TMEM212: variants seen among roughly 807,000 people sequenced by gnomAD.
TMEM212 encodes transmembrane protein 212.
TMEM212 carries 23 observed loss-of-function variants against 20.5 expected under a neutral mutation model. The ratio of observed to expected loss-of-function variants is 1.12; its 90% CI spans 0.81 to 1.59. The LOEUF is 1.59. TMEM212 is among the 40% of genes most tolerant of loss of function. The probability of loss-of-function intolerance (pLI) is 0.00; values close to 1 mark genes in which losing one functional copy is unlikely to be tolerated. For missense variants in TMEM212, 211 were observed against 215.0 expected (o/e 0.98, Z 0.12); for synonymous variants, 76 against 81.6 (o/e 0.93, Z 0.37).
Position 171,853,638 on chromosome 3 carries a change from G to A in TMEM212, c.331G>A (p.Gly111Arg), listed in dbSNP as rs555325527. The change falls in exon 3 of 5, where the codon GGG becomes AGG. Residue 111 changes from glycine to arginine, a missense_variant. Coordinates refer to ENST00000334567, the MANE Select transcript of TMEM212 (RefSeq NM_001164436.2). ...CCCATATTGCTTCTATTCATTTTCA[G>A]GGATTGCAGGGACTAATTACCTTGG... ...LGPYCFYSFSGIAGTNYLGYA... is the reference protein window; with the variant it reads ...LGPYCFYSFSRIAGTNYLGYA... 3.0e-4 allele frequency: 460 copies of A among 1,537,382 alleles called. 5 individuals carry two copies. In the South Asian group the frequency reaches 5.1e-3, roughly 17 times the overall value.
rs1490320265 is a variant in TMEM212 at position 171,858,661 on chromosome 3, T to G, written c.*604T>G. On this transcript the variant is annotated 3_prime_UTR_variant, in exon 5 of 5. Coordinates refer to ENST00000334567, the MANE Select transcript of TMEM212 (RefSeq NM_001164436.2). ...ACCTACAGAACGGGAGAAAATTTTT[T>G]CAATCTACCCATCTGACAAACAGCT... 6.6e-6 allele frequency: 1 copy of G among 151,364 alleles called. No individual in the cohort carries two copies. Among genetic ancestry groups the G allele is most frequent in the Non-Finnish European group, 1.5e-5 (1 of 67,986 alleles). 9.4% of individuals were successfully genotyped at this position (151,364 alleles called of 1,614,324 possible). A position where few individuals can be genotyped will look rare whatever the true frequency, so the allele number is the denominator to read the frequency against.
Position 171,853,795 on chromosome 3 carries a change from C to A in TMEM212, c.488C>A (p.Ser163Tyr), listed in dbSNP as rs1466178463. Residue 163 changes from serine (S) to tyrosine (Y), a missense_variant, in exon 3 of 5, where the codon TCC becomes TAC. Coordinates refer to ENST00000334567, the MANE Select transcript of TMEM212 (RefSeq NM_001164436.2). ...LCLSFTLLCT[S>Y]LTVFIKLSAR... Reference sequence around the variant, plus strand: ...CTAAGCTTTACCCTACTCTGTACATCCTTGACAGTGTTCATCAAACTTTCT... The same window carrying A: ...CTAAGCTTTACCCTACTCTGTACATACTTGACAGTGTTCATCAAACTTTCT... The A allele has an allele frequency of 6.5e-7, 1 of 1,537,030 alleles. No individual in the cohort carries two copies. Among genetic ancestry groups the A allele is most frequent in the South Asian group, 1.2e-5 (1 of 84,048 alleles).
chr3:171,844,699 C>T (rs933203846), intron 1 of TMEM212, among the ~76,000 whole-genome samples: 1 of 152,082 alleles, frequency 6.6e-6, no homozygotes, highest in Non-Finnish European at 1.5e-5. Context: ...GAGCAAGACT[C>T]CATCTCAAAA....
At chr3:171,844,185 T>C (rs532071179) in intron 1 of TMEM212, among the ~76,000 whole-genome samples, 211 of 152,286 alleles carry the variant, frequency 1.4e-3, no homozygotes, top group African/African-American at 4.8e-3. Context: ...CATTGAATCA[T>C]TGCACAGATA....
At chr3:171,848,806 T>C (rs956783721) in intron 1 of TMEM212, among the ~76,000 whole-genome samples, 1 of 151,940 alleles carries the variant, frequency 6.6e-6, no homozygotes, top group Non-Finnish European at 1.5e-5. Flanking sequence ...TGACATAAAA[T>C]GTATTCGTTA....
In TMEM212 at chr3:171,843,816, C is replaced by A. The variant is rs932337945; in HGVS notation, c.159+274C>A. ...TCTTAAAAAGTTATTTTATTTTAAT[C>A]CACTTAACTTGATATGCTAAGAAAT... On this transcript the variant is annotated intron_variant, in intron 1 of 4. Transcript: ENST00000334567. Among the ~76,000 whole-genome samples, 5 of 152,100 alleles carry A rather than the reference C, an allele frequency of 3.3e-5. No homozygotes were observed. The South Asian group carries it at 6.2e-4, about 19-fold the overall frequency.
At position 171,858,508 on chromosome 3, in the gene TMEM212, A is replaced by T. The variant is rs572489165; in HGVS notation, c.*451A>T. On this transcript the variant is annotated 3_prime_UTR_variant, in exon 5 of 5. Transcript: ENST00000334567. The stretch of plus-strand genomic sequence containing the variant: ...AGGCAATACCATTCAGGACATAGGC[A>T]TGGGCAAAGACTTCATGACTAAAAC... The T allele has an allele frequency of 6.6e-6, 1 of 152,286 alleles. No individual in the cohort carries two copies. Among genetic ancestry groups the T allele is most frequent in the Non-Finnish European group, 1.5e-5 (1 of 68,030 alleles). 9.4% of individuals were successfully genotyped at this position (152,286 alleles called of 1,614,324 possible).
Position 171,853,710 on chromosome 3 carries a change from T to A in TMEM212, c.403T>A (p.Cys135Ser). 1 of 1,537,540 alleles carries A rather than the reference T, an allele frequency of 6.5e-7. No homozygotes were observed. Among genetic ancestry groups the A allele is most frequent in the Non-Finnish European group, 8.7e-7 (1 of 1,146,936 alleles). The change falls in exon 3 of 5, where the codon TGT (cysteine) becomes AGT (serine). Residue 135 changes from cysteine to serine, a missense_variant. Transcript: ENST00000334567. The part of the protein sequence containing the change: ...PYPYAKFPLA[C>S]VDPPHYEEYH... The stretch of plus-strand genomic sequence containing the variant: ...TCCATATGCAAAATTCCCATTAGCC[T>A]GTGTGGACCCACCACACTACGAAGA...
intron 1 of TMEM212, among the ~76,000 whole-genome samples, chr3:171,848,013 C>A (rs1724878136): frequency 6.6e-6 from 1 of 152,192 alleles, no homozygotes; most frequent in Admixed American, 6.5e-5. Flanking sequence ...ATATCCTAAG[C>A]TGCTTTAAGG....
chr3:171,852,103 T>A, intron 2 of TMEM212, 62 bp downstream of exon 2: 1 of 1,262,828 alleles, frequency 7.9e-7, no homozygotes, highest in African/African-American at 1.5e-5. Context: ...CACTACTAAG[T>A]TCAGGATGGA....
At chr3:171,856,549 T>C (rs1048507668) in intron 3 of TMEM212, 114 bp from the exon 4 acceptor site, 8 of 511,220 alleles carry the variant, frequency 1.6e-5, no homozygotes, top group Non-Finnish European at 2.5e-5. Flanking sequence ...ATTAGCCAGG[T>C]CATGGTAAAT....
chr3:171,853,137 T>C (rs1339961542), intron 2 of TMEM212, among the ~76,000 whole-genome samples: 1 of 152,208 alleles, frequency 6.6e-6, no homozygotes, highest in African/African-American at 2.4e-5. Flanking sequence ...GCTGATATAT[T>C]ATTCTCCTCT....
intron 1 of TMEM212, among the ~76,000 whole-genome samples, chr3:171,845,097 C>T (rs984465166): frequency 3.3e-5 from 5 of 152,092 alleles, no homozygotes; most frequent in African/African-American, 7.2e-5. Flanking sequence ...CCAACACCTA[C>T]CTGAAACCAC....
At chr3:171,850,128 G>A (rs1230598754) in intron 1 of TMEM212, among the ~76,000 whole-genome samples, 1 of 152,020 alleles carries the variant, frequency 6.6e-6, no homozygotes, top group East Asian at 1.9e-4. Flanking sequence ...AAGAAGAAAT[G>A]GAAGAAAGAA....
chr3:171,852,425 TC>T (rs1724998993), intron 2 of TMEM212, among the ~76,000 whole-genome samples: 1 of 152,170 alleles, frequency 6.6e-6, no homozygotes, highest in African/African-American at 2.4e-5. Context: ...GGTCTCAAAC[TC>T]CTGACCTCAG....
intron 2 of TMEM212, among the ~76,000 whole-genome samples, chr3:171,853,059 TC>T (rs1271779037): frequency 1.3e-5 from 2 of 152,224 alleles, no homozygotes; most frequent in East Asian, 3.8e-4. Context: ...ACTAGTTGCT[TC>T]CATGTGATGG....
chr3:171,851,320 C>T (rs1724972080), intron 1 of TMEM212, among the ~76,000 whole-genome samples: 1 of 152,182 alleles, frequency 6.6e-6, no homozygotes, highest in Non-Finnish European at 1.5e-5. Context: ...ACACTCTTCC[C>T]TCTTTTGTTT....
rs368573581 is a variant in TMEM212 at position 171,843,593 on chromosome 3, G to A, written c.159+51G>A. The A allele has an allele frequency of 4.5e-5, 64 of 1,416,394 alleles. 1 individual carries two copies. The South Asian group carries it at 5.6e-4, about 12-fold the overall frequency. The allele number at this position is 1,416,394 out of a possible 1,614,324, so 87.7% of individuals were successfully genotyped here. ...TTGAGAAAATAAAAGAAGGTGGGAG[G>A]GAAAGGGAAAACAGAAGAACATATC... On this transcript the variant is annotated intron_variant, in intron 1 of 4. Transcript: ENST00000334567.
chr3:171,850,307 T>A (rs1724947361), intron 1 of TMEM212, among the ~76,000 whole-genome samples: 2 of 152,206 alleles, frequency 1.3e-5, no homozygotes, highest in South Asian at 2.1e-4. Flanking sequence ...GCATGAAAGA[T>A]CTTTTTCAAA....
Sources: gnomAD v4.1 joint callset for allele counts (sites outside exome capture counted in the v4.1 genomes callset) on GRCh38, gnomAD v4.1.1 for gene constraint, MANE v1.5 for transcripts, NCBI Gene and HGNC (gene_info 2026-07-23, HGNC 2026-07-21) for gene names.